Variants in SLC39A11 observed in about 807,000 individuals in gnomAD.
The protein encoded by SLC39A11 is zinc transporter ZIP11.
SLC39A11 carries 33 observed loss-of-function variants against 36.1 expected under a neutral mutation model. That is an observed-to-expected ratio of 0.91 (90% CI 0.69 to 1.22). SLC39A11 has a LOEUF of 1.22. SLC39A11 is among the 50% of genes most tolerant of loss of function. SLC39A11 has a pLI of 0.00. For missense variants in SLC39A11, 432 were observed against 430.3 expected (o/e 1.00, Z -0.03); for synonymous variants, 166 against 170.3 (o/e 0.97, Z 0.20).
chr17:73,003,371 G>T (rs977123769), intron 4 of SLC39A11, among the ~76,000 whole-genome samples: 1 of 152,114 alleles, frequency 6.6e-6, no homozygotes, highest in African/African-American at 2.4e-5. Flanking sequence ...ACCTTGGACC[G>T]GTCTGATTGG....
At chr17:72,810,316 T>C (rs2077394642) in intron 6 of SLC39A11, among the ~76,000 whole-genome samples, 1 of 152,174 alleles carries the variant, frequency 6.6e-6, no homozygotes, top group Non-Finnish European at 1.5e-5. Context: ...TTGTGGTTTT[T>C]CTCCTAATAG....
intron 6 of SLC39A11, among the ~76,000 whole-genome samples, chr17:72,832,860 G>A (rs148568026): frequency 6.6e-6 from 1 of 152,300 alleles, no homozygotes; most frequent in African/African-American, 2.4e-5. Flanking sequence ...ACTGAAACGT[G>A]ATCAATTAAT....
At chr17:72,893,255 G>A (rs1330047811) in intron 5 of SLC39A11, among the ~76,000 whole-genome samples, 3 of 152,206 alleles carry the variant, frequency 2.0e-5, no homozygotes, top group Non-Finnish European at 4.4e-5. Flanking sequence ...GAGGTCAAGA[G>A]TTCAAGACCA....
intron 5 of SLC39A11, among the ~76,000 whole-genome samples, chr17:72,926,513 A>G (rs2084057628): frequency 1.3e-5 from 2 of 148,890 alleles, no homozygotes; most frequent in African/African-American, 2.6e-5. Flanking sequence ...TTGGGGGAAG[A>G]TATTTTTTCT....
intron 6 of SLC39A11, among the ~76,000 whole-genome samples, chr17:72,771,306 G>T (rs1048892113): frequency 6.7e-6 from 1 of 150,142 alleles, no homozygotes; most frequent in African/African-American, 2.5e-5. Flanking sequence ...AGCCGAGATC[G>T]TGCCGCTGCA....
At chr17:73,080,880 G>A (rs2060485283) in intron 3 of SLC39A11, among the ~76,000 whole-genome samples, 1 of 152,100 alleles carries the variant, frequency 6.6e-6, no homozygotes, top group African/African-American at 2.4e-5. Flanking sequence ...TGGTGACAGA[G>A]GATGCAGTGA....
intron 6 of SLC39A11, among the ~76,000 whole-genome samples, chr17:72,746,610 C>T (rs9901476): frequency 0.46 from 69,264 of 151,776 alleles, 17,229 homozygotes; most frequent in Non-Finnish European, 0.57. Flanking sequence ...TGGTGGTGGG[C>T]ACCTGTAGTC....
chr17:72,741,014 T>C (rs2074672098), intron 6 of SLC39A11, among the ~76,000 whole-genome samples: 1 of 152,030 alleles, frequency 6.6e-6, no homozygotes, highest in African/African-American at 2.4e-5. Flanking sequence ...CCTCAGGTGA[T>C]CTGTCCGCTT....
chr17:73,062,694 C>CT, intron 3 of SLC39A11, among the ~76,000 whole-genome samples: 1 of 152,160 alleles, frequency 6.6e-6, no homozygotes, highest in Middle Eastern at 3.4e-3. Flanking sequence ...GGTCTCCAAC[C>CT]TTTTTGGCAC....
At chr17:72,997,410 C>T (rs976996998) in intron 4 of SLC39A11, among the ~76,000 whole-genome samples, 1 of 152,168 alleles carries the variant, frequency 6.6e-6, no homozygotes, top group Admixed American at 6.5e-5. Flanking sequence ...GCCACCACCA[C>T]GCCCGGCTAA....
intron 5 of SLC39A11, among the ~76,000 whole-genome samples, chr17:72,868,529 C>T (rs1006235335): frequency 7.1e-5 from 10 of 140,446 alleles, no homozygotes; most frequent in Admixed American, 6.3e-4. Flanking sequence ...CACCTATAAT[C>T]CTGGTACTTT....
intron 6 of SLC39A11, among the ~76,000 whole-genome samples, chr17:72,784,655 A>C (rs113279183): frequency 0.016 from 2,429 of 151,946 alleles, 65 homozygotes; most frequent in African/African-American, 0.055. Context: ...AGTTCTCACG[A>C]GAGCTGGTTG....
At chr17:72,981,297 C>T (rs1363654266) in intron 4 of SLC39A11, among the ~76,000 whole-genome samples, 1 of 152,098 alleles carries the variant, frequency 6.6e-6, no homozygotes, top group Non-Finnish European at 1.5e-5. Flanking sequence ...ACACTTCAAG[C>T]ACTCAATACA....
At chr17:72,924,066 G>A (rs995587410) in intron 5 of SLC39A11, among the ~76,000 whole-genome samples, 17 of 150,462 alleles carry the variant, frequency 1.1e-4, no homozygotes, top group African/African-American at 3.4e-4. Flanking sequence ...AGGATCACTT[G>A]AGCCCGGGCT....
At chr17:72,794,721 T>A (rs2076835969) in intron 6 of SLC39A11, among the ~76,000 whole-genome samples, 1 of 152,096 alleles carries the variant, frequency 6.6e-6, no homozygotes, top group African/African-American at 2.4e-5. Context: ...GGCCAATTTA[T>A]TCTCTTCCTT....
At chr17:72,761,594 T>G (rs2075579331) in intron 6 of SLC39A11, among the ~76,000 whole-genome samples, 1 of 152,216 alleles carries the variant, frequency 6.6e-6, no homozygotes, top group African/African-American at 2.4e-5. Context: ...GGAGATACAA[T>G]CAATGTCTGC....
chr17:72,752,398 C>G (rs1457998062), intron 6 of SLC39A11, among the ~76,000 whole-genome samples: 2 of 151,996 alleles, frequency 1.3e-5, no homozygotes, highest in Non-Finnish European at 2.9e-5. Context: ...GCACGCACCA[C>G]CACGCCCAGC....
At position 72,678,620 on chromosome 17, in the gene SLC39A11, G is replaced by A. The variant is rs564090282; in HGVS notation, c.672-29352C>T. On this transcript the variant is annotated intron_variant, in intron 7 of 9. Transcript: ENST00000255559. ...CTCGGGAGGCTGAGGCAGGAGAATT[G>A]CTTGAACCCAGGAGGCAAAGGTTGT... Among the ~76,000 whole-genome samples, 32 of 152,150 alleles carry A rather than the reference G, an allele frequency of 2.1e-4. No homozygotes were observed. The South Asian group carries it at 6.4e-3, about 31-fold the overall frequency.
Position 72,814,208 on chromosome 17 carries a change from C to T in SLC39A11, c.601+35426G>A, listed in dbSNP as rs775606804. 4.6e-5 allele frequency among the ~76,000 whole-genome samples: 7 copies of T among 152,156 alleles called. 1 individual carries two copies. The highest frequency in any genetic ancestry group is 2.0e-4 in the Admixed American group (3 of 15,274). ...GGGATTCATGGCTACCATACTGGACCGTGCAGATACTGAGTATTTCTATCA... is the reference window on the plus strand; with the variant it reads ...GGGATTCATGGCTACCATACTGGACTGTGCAGATACTGAGTATTTCTATCA... On this transcript the variant is annotated intron_variant, in intron 6 of 9. Transcript: ENST00000255559.
Sources: gnomAD v4.1 joint callset for allele counts (sites outside exome capture counted in the v4.1 genomes callset) on GRCh38, gnomAD v4.1.1 for gene constraint, MANE v1.5 for transcripts, NCBI Gene and HGNC (gene_info 2026-07-23, HGNC 2026-07-21) for gene names.